Variants in PPRC1 observed in about 807,000 individuals in gnomAD.
The protein encoded by PPRC1 is peroxisome proliferator-activated receptor gamma coactivator-related protein 1.
In PPRC1, 23 loss-of-function variants were observed where a neutral mutation model predicts 132.5. The observed-to-expected ratio is 0.17, with a 90% CI of 0.12 to 0.25. The LOEUF (loss-of-function observed/expected upper bound fraction) is 0.25, where lower values mean the gene tolerates loss of function less well. Among genes scored for constraint, PPRC1 ranks in the 10% least tolerant of loss-of-function variants. PPRC1 has a pLI of 1.00. For synonymous variants in PPRC1, 872 were observed against 833.5 expected (o/e 1.05, Z -0.80); for missense variants, 2,006 against 2,089.1 (o/e 0.96, Z 0.78).
chr10:102,149,828 C>A, intron 13 of PPRC1, 98 bp from the exon 14 acceptor site: 1 of 909,316 alleles, frequency 1.1e-6, no homozygotes, highest in Non-Finnish European at 1.8e-6. Context: ...GCAGTTTTCA[C>A]TCCATCCGTT....
chr10:102,131,782 C>T (rs973942050), upstream of PPRC1, among the ~76,000 whole-genome samples: 2 of 152,162 alleles, frequency 1.3e-5, no homozygotes, highest in African/African-American at 2.4e-5. Context: ...CTCGGCCTCC[C>T]GAGTAGCTGG....
intron 1 of PPRC1, among the ~76,000 whole-genome samples, chr10:102,135,065 C>T (rs2133595103): frequency 6.6e-6 from 1 of 152,312 alleles, no homozygotes; most frequent in South Asian, 2.1e-4. Flanking sequence ...CTTTATCCCT[C>T]AGGATCTATG....
At chr10:102,132,782 C>T (rs1242533217), upstream of PPRC1, among the ~76,000 whole-genome samples, 2 of 152,220 alleles carry the variant, frequency 1.3e-5, no homozygotes, top group Non-Finnish European at 1.5e-5. Context: ...AACTTTCCCC[C>T]TAACTGCTGA....
intron 3 of PPRC1, 49 bp from the exon 4 acceptor site, chr10:102,138,830 A>T: frequency 6.2e-7 from 1 of 1,612,056 alleles, no homozygotes; most frequent in Non-Finnish European, 8.5e-7. Flanking sequence ...GGACCTACTC[A>T]TATAGCTCTG....
rs1417534797 is a variant in PPRC1, at chr10:102,144,269, T to A, written c.3570T>A (p.Pro1190=). 1.9e-6 allele frequency: 3 copies of A among 1,614,070 alleles called. No individual in the cohort carries two copies. Among genetic ancestry groups the A allele is most frequent in the African/African-American group, 1.3e-5 (1 of 74,940 alleles). The change falls in exon 7 of 14, where the codon CCT becomes CCA. Residue 1190 remains proline (P), a synonymous_variant. Coordinates refer to ENST00000278070, the MANE Select transcript of PPRC1 (RefSeq NM_015062.5). ...TTGCAGCCAAAAAGGAGTGTCCTCC[T>A]CCGGCTCCTGCTGACAGCTTGGCTG... ...EKSEAKKECP[P]PAPADSLAVG... is the part of the protein sequence containing the mutation.
At chr10:102,121,049 C>G in the PPRC1 span, among the ~76,000 whole-genome samples, 1 of 152,160 alleles carries the variant, frequency 6.6e-6, no homozygotes, top group African/African-American at 2.4e-5. Flanking sequence ...TCCTCCTTTG[C>G]CTGCGAAACC....
Position 102,139,893 on chromosome 10 carries a change from A to G in PPRC1, c.1385A>G (p.Lys462Arg). 1 of 1,614,224 alleles carries G rather than the reference A, an allele frequency of 6.2e-7. No individual in the cohort carries two copies. Among genetic ancestry groups the G allele is most frequent in the Non-Finnish European group, 8.5e-7 (1 of 1,180,034 alleles). ...CAGAGAGCTCGAAAGGGCAGGAAGA[A>G]GAAGAGCAAGGAGCAGCCAGCAGCC... ...GSQRARKGRK[K>R]KSKEQPAACV... Residue 462 changes from lysine to arginine, a missense_variant, in exon 5 of 14, where the codon AAG becomes AGG. Transcript: ENST00000278070.
rs1390725788 is a variant in PPRC1, at chr10:102,133,120, G to A, written c.52G>A (p.Gly18Ser). Residue 18 changes from glycine to serine, a missense_variant, in exon 1 of 14, where the codon GGC (glycine) becomes AGC (serine). Physicochemically the swap from Gly to Ser is moderately conservative, Grantham distance 56. Coordinates refer to ENST00000278070, the MANE Select transcript of PPRC1 (RefSeq NM_015062.5). Reference sequence around the variant, plus strand: ...CGGAGTCGCGCCGCCCCCGAGTGGGGGCCCCGGTCCGGACCCTGGCGGGGG... The same window carrying A: ...CGGAGTCGCGCCGCCCCCGAGTGGGAGCCCCGGTCCGGACCCTGGCGGGGG... ...RDGVAPPPSG[G>S]PGPDPGGGAR... The A allele has an allele frequency of 8.0e-7, 1 of 1,247,156 alleles. No homozygotes were observed. Among genetic ancestry groups the A allele is most frequent in the East Asian group, 3.1e-5 (1 of 31,872 alleles). The allele number at this position is 1,247,156 out of a possible 1,614,324, so 77.3% of individuals were successfully genotyped here. A position where few individuals can be genotyped will look rare whatever the true frequency, so the allele number is the denominator to read the frequency against.
intron 1 of PPRC1, among the ~76,000 whole-genome samples, chr10:102,133,876 C>T (rs1425859703): frequency 6.6e-6 from 1 of 151,806 alleles, no homozygotes; most frequent in African/African-American, 2.4e-5. Flanking sequence ...TGTTCAGAGC[C>T]TTGGAGGTTT....
At chr10:102,142,990 T>G (rs2069062442) in intron 5 of PPRC1, 55 bp from the exon 6 acceptor site, 1 of 1,494,066 alleles carries the variant, frequency 6.7e-7, no homozygotes, top group African/African-American at 1.4e-5. Flanking sequence ...TCCTGGGACC[T>G]GTGTACTAAG....
chr10:102,137,793 A>G, intron 1 of PPRC1, 57 bp from the exon 2 acceptor site: 2 of 1,525,744 alleles, frequency 1.3e-6, no homozygotes, highest in South Asian at 2.5e-5. Flanking sequence ...TTTATGGAGC[A>G]TATTATCAGC....
At chr10:102,144,975 T>A in intron 7 of PPRC1, 45 bp from the exon 8 acceptor site, 1 of 1,442,050 alleles carries the variant, frequency 6.9e-7, no homozygotes, top group Non-Finnish European at 9.5e-7. Context: ...GTATAAGATA[T>A]TGAGAAGGCA....
At chr10:102,125,989 A>T in the PPRC1 span, among the ~76,000 whole-genome samples, 1 of 151,318 alleles carries the variant, frequency 6.6e-6, no homozygotes, top group Non-Finnish European at 1.5e-5. Context: ...CAGCCTCCCA[A>T]GTAGCTGGGA....
At position 102,150,243 on chromosome 10, in the gene PPRC1, A is replaced by G. The variant is rs1241693936; in HGVS notation, c.*214A>G. 2.1e-6 allele frequency: 1 copy of G among 469,284 alleles called. No homozygotes were observed. Among genetic ancestry groups the G allele is most frequent in the Non-Finnish European group, 3.9e-6 (1 of 256,334 alleles). The allele number at this position is 469,284 out of a possible 1,614,324, so 29.1% of individuals were successfully genotyped here. A position where few individuals can be genotyped will look rare whatever the true frequency, so the allele number is the denominator to read the frequency against. On this transcript the variant is annotated 3_prime_UTR_variant, in exon 14 of 14. Coordinates refer to ENST00000278070, the MANE Select transcript of PPRC1 (RefSeq NM_015062.5). The stretch of plus-strand genomic sequence containing the variant: ...TTGAAACAAGTTAACTTGCATTCCT[A>G]TGTAAGATAGGAGGGGCTGAGGGGA...
chr10:102,120,664 C>T, the PPRC1 span, among the ~76,000 whole-genome samples: 52 of 152,250 alleles, frequency 3.4e-4, no homozygotes, highest in East Asian at 0.01. Context: ...GCATGTGACG[C>T]AGCTTTTAAA....
chr10:102,141,022 T>C lies in PPRC1; in HGVS notation c.2514T>C (p.Pro838=), dbSNP rs756402154. 6.2e-7 allele frequency: 1 copy of C among 1,614,130 alleles called. No homozygotes were observed. The highest frequency in any genetic ancestry group is 8.5e-7 in the Non-Finnish European group (1 of 1,180,034). The change falls in exon 5 of 14, where the codon CCT becomes CCC. Residue 838 remains proline (P), a synonymous_variant. Transcript: ENST00000278070. ...SPSPEPPVSK[P]VASSPTEQVP... is the part of the protein sequence containing the mutation. ...GTCCTGAGCCACCTGTAAGCAAACC[T>C]GTGGCCTCATCTCCCACTGAGCAGG... is the stretch of plus-strand genomic sequence containing the variant.
chr10:102,141,563 A>G lies in PPRC1; in HGVS notation c.3055A>G (p.Arg1019Gly). 1 of 1,614,046 alleles carries G rather than the reference A, an allele frequency of 6.2e-7. No individual in the cohort carries two copies. The highest frequency in any genetic ancestry group is 1.1e-5 in the South Asian group (1 of 91,078). ...RAVPQPKMES[R>G]GTPAGPPENV... ...TGTTCCCCAACCTAAAATGGAGTCT[A>G]GGGGCACTCCAGCTGGCCCTCCTGA... Residue 1019 changes from arginine (R) to glycine (G), a missense_variant, in exon 5 of 14, where the codon AGG (arginine) becomes GGG (glycine). This residue lies in a region of PPRC1 where 1,914 missense variants were observed against 1,917.2 expected (regional missense o/e 1.00). Coordinates refer to ENST00000278070, the MANE Select transcript of PPRC1 (RefSeq NM_015062.5).
chr10:102,145,201 C>A, intron 8 of PPRC1, 111 bp downstream of exon 8: 2 of 1,030,234 alleles, frequency 1.9e-6, no homozygotes, highest in Non-Finnish European at 1.4e-6. Flanking sequence ...ATCTGATCTC[C>A]AGCCTTGAGA....
rs530019914 is a variant in PPRC1, at chr10:102,150,089, C to T, written c.*60C>T. 5.5e-6 allele frequency: 7 copies of T among 1,269,998 alleles called. No individual in the cohort carries two copies. Among genetic ancestry groups the T allele is most frequent in the Non-Finnish European group, 8.1e-6 (7 of 867,990 alleles). The allele number at this position is 1,269,998 out of a possible 1,614,324, so 78.7% of individuals were successfully genotyped here. On this transcript the variant is annotated 3_prime_UTR_variant, in exon 14 of 14. Coordinates refer to ENST00000278070, the MANE Select transcript of PPRC1 (RefSeq NM_015062.5). ...TGGAGGTGCCCAACCTCCTCCACCC[C>T]CTTCCCCTACTCTAGGGGAGAGAGC... is the stretch of plus-strand genomic sequence containing the variant.
Sources: allele counts gnomAD v4.1 joint callset (sites outside exome capture counted in the v4.1 genomes callset), GRCh38; gene constraint gnomAD v4.1.1; regional missense constraint gnomAD v4.1.1; transcripts MANE v1.5; gene names NCBI Gene and HGNC (gene_info 2026-07-23, HGNC 2026-07-21).